The following NLRP5 variants were observed in gnomAD, a reference collection of about 807,000 sequenced individuals.
NLRP5 encodes NLR family pyrin domain containing 5.
A neutral mutation model predicts 113.1 loss-of-function variants in NLRP5; 93 were observed. The observed-to-expected ratio is 0.82, with a 90% CI of 0.70 to 0.98. The LOEUF is 0.98. NLRP5 is among the 50% of genes least tolerant of loss of function. The pLI, the probability that NLRP5 is intolerant of heterozygous loss-of-function variation, is 0.00. For synonymous variants in NLRP5, 751 were observed against 600.7 expected (o/e 1.25, Z -3.66); for missense variants, 1,808 against 1,514.3 (o/e 1.19, Z -3.22).
chr19:56,005,276 TAC>T (rs1247020823), intron 2 of NLRP5, among the ~76,000 whole-genome samples: 1 of 147,078 alleles, frequency 6.8e-6, no homozygotes, highest in African/African-American at 2.5e-5. Context: ...CATACACATA[TAC>T]ACATATATTT....
At chr19:56,002,290 A>G (rs76475172) in intron 1 of NLRP5, among the ~76,000 whole-genome samples, 6,972 of 152,192 alleles carry the variant, frequency 0.046, 363 homozygotes, top group African/African-American at 0.12. Context: ...TCTAGATATA[A>G]ATCCCTTATC....
chr19:55,987,733 A>G, the NLRP5 span: 7 of 1,018,522 alleles, frequency 6.9e-6, no homozygotes, highest in Non-Finnish European at 1.1e-5. Flanking sequence ...GAAAAAGCAT[A>G]GAGACAAAAT....
the NLRP5 span, chr19:55,988,440 GTGTGTATATATATA>G: frequency 0.088 from 8,831 of 100,552 alleles, 393 homozygotes; most frequent in Middle Eastern, 0.13. Context: ...ATATATGTGT[GTGTGTATATATATA>G]TATATATATA....
intron 2 of NLRP5, among the ~76,000 whole-genome samples, chr19:56,006,188 C>T (rs1981901398): frequency 1.3e-5 from 2 of 152,066 alleles, no homozygotes; most frequent in Admixed American, 6.6e-5. Context: ...GAAAACCAAA[C>T]ACCGCATGTT....
rs1367800248 is a variant in NLRP5, at chr19:56,030,712, TTC to T, written c.2277-1897_2277-1896del. On this transcript the variant is annotated intron_variant, in intron 7 of 14. Coordinates refer to ENST00000390649, the MANE Select transcript of NLRP5 (RefSeq NM_153447.4). ...ATACTTACATTCATTCGCTTTCTTC[TTC>T]TTTTTTTTTTTTTTTTTTGAGACGG... Among the ~76,000 whole-genome samples the T allele has an allele frequency of 4.5e-4, 20 of 44,602 alleles. No individual in the cohort carries two copies. In the Admixed American group the frequency reaches 5.0e-3, roughly 11 times the overall value. 29.3% of individuals were successfully genotyped at this position (44,602 alleles called of 152,430 possible).
At position 56,053,700 on chromosome 19, in the gene NLRP5, G is replaced by A. The variant is rs2123339579; in HGVS notation, c.3191G>A (p.Ser1064Asn). ...AGTCTGTCCTGTGTGATCTCGAGGA[G>A]CAGACACCTGAAGAGCCTGGATCTC... Residue 1064 changes from serine to asparagine, a missense_variant, in exon 13 of 15, where the codon AGC becomes AAC. Physicochemically the swap from Ser to Asn is conservative, Grantham distance 46. Coordinates refer to ENST00000390649, the MANE Select transcript of NLRP5 (RefSeq NM_153447.4). 6.2e-7 allele frequency: 1 copy of A among 1,613,952 alleles called. No homozygotes were observed.
chr19:56,030,699 A>C, intron 7 of NLRP5, among the ~76,000 whole-genome samples: 1 of 83,112 alleles, frequency 1.2e-5, no homozygotes, highest in Non-Finnish European at 2.3e-5. Context: ...ACTTACATTC[A>C]TTCGCTTTCT....
chr19:56,024,359 ACAAAT>A (rs1392550526), intron 6 of NLRP5, among the ~76,000 whole-genome samples: 9 of 140,920 alleles, frequency 6.4e-5, no homozygotes, highest in African/African-American at 2.4e-4. Flanking sequence ...AAAAAAAAGA[ACAAAT>A]ATATATATAT....
chr19:56,044,092 C>A, intron 11 of NLRP5, among the ~76,000 whole-genome samples: 1 of 142,574 alleles, frequency 7.0e-6, no homozygotes, highest in Non-Finnish European at 1.5e-5. Flanking sequence ...GAGACAGAGT[C>A]TTGCTCTGTC....
rs201631280 is a variant in NLRP5 at position 56,061,463 on chromosome 19, C to T, written c.3538C>T (p.Arg1180Ter). The T allele has an allele frequency of 2.5e-5, 40 of 1,613,822 alleles. No homozygotes were observed. Among genetic ancestry groups the T allele is most frequent in the African/African-American group, 6.7e-5 (5 of 74,914 alleles). The change falls in exon 15 of 15, where the codon CGA becomes TGA. Residue 1180 changes from arginine (R) to a stop codon, truncating the protein, a stop_gained. Coordinates refer to ENST00000390649, the MANE Select transcript of NLRP5 (RefSeq NM_153447.4). LOFTEE classifies it low-confidence loss of function (END_TRUNC). ...GGAGGAAGTGCAGCTACTCAAGCCC[C>T]GAGTCGTAATTGACGGTAGTTGGCA...
Position 56,026,893 on chromosome 19 carries a change from T to C in NLRP5, c.680-20T>C, listed in dbSNP as rs574214915. ...GCCTGGTCTGTTTCCTGATTTTCAT[T>C]CTACCCTCTCTGACTCCAGGACATG... On this transcript the variant is annotated intron_variant, in intron 6 of 14. Coordinates refer to ENST00000390649, the MANE Select transcript of NLRP5 (RefSeq NM_153447.4). 1 of 1,542,858 alleles carries C rather than the reference T, an allele frequency of 6.5e-7. No homozygotes were observed. Among genetic ancestry groups the C allele is most frequent in the East Asian group, 2.5e-5 (1 of 40,764 alleles).
At chr19:56,015,018 A>AT (rs1223364181) in intron 3 of NLRP5, among the ~76,000 whole-genome samples, 2 of 152,230 alleles carry the variant, frequency 1.3e-5, no homozygotes, top group Non-Finnish European at 2.9e-5. Context: ...CAGTAACAAC[A>AT]TTAAGTCTTC....
chr19:56,043,969 C>T (rs1397057325), intron 11 of NLRP5, among the ~76,000 whole-genome samples: 1 of 151,508 alleles, frequency 6.6e-6, no homozygotes, highest in Non-Finnish European at 1.5e-5. Flanking sequence ...CTTTTGGGTT[C>T]TTGGTCATGA....
intron 9 of NLRP5, among the ~76,000 whole-genome samples, chr19:56,037,026 C>T (rs11084422): frequency 0.31 from 46,782 of 151,954 alleles, 7,450 homozygotes; most frequent in East Asian, 0.47. Flanking sequence ...CTAAGTGTTT[C>T]GTGGCTATTC....
In NLRP5 at chr19:56,044,353, C is replaced by T. The variant is rs1302032561; in HGVS notation, c.2957+3261C>T. ...ACAGGCGTGAGCCGCCACACCCGGC[C>T]AGGTTTAAGTCTCTAATACATCTTG... On this transcript the variant is annotated intron_variant, in intron 11 of 14. Coordinates refer to ENST00000390649, the MANE Select transcript of NLRP5 (RefSeq NM_153447.4). Among the ~76,000 whole-genome samples the T allele has an allele frequency of 4.6e-5, 7 of 152,314 alleles. No individual in the cohort carries two copies. In the East Asian group the frequency reaches 1.2e-3, roughly 25 times the overall value.
At chr19:56,007,896 C>CAT (rs1981993823) in intron 2 of NLRP5, among the ~76,000 whole-genome samples, 3 of 97,842 alleles carry the variant, frequency 3.1e-5, no homozygotes, top group African/African-American at 3.6e-5. Flanking sequence ...TGTGCGCGTG[C>CAT]GCGCGTGCGT....
rs1353447189 is a variant in NLRP5, at chr19:56,004,065, C to G, written c.412C>G (p.Leu138Val). 6.2e-7 allele frequency: 1 copy of G among 1,611,854 alleles called. No individual in the cohort carries two copies. The highest frequency in any genetic ancestry group is 1.3e-5 in the African/African-American group (1 of 74,850). Reference sequence around the variant, plus strand: ...CTTTGAAAACATGAACCTGCGAACCCTCTCGGAGAAGGCACGGGATGACAT... The same window carrying G: ...CTTTGAAAACATGAACCTGCGAACCGTCTCGGAGAAGGCACGGGATGACAT... Residue 138 changes from leucine to valine, a missense_variant, in exon 2 of 15, where the codon CTC becomes GTC. Leu to Val is a conservative substitution (Grantham distance 32, BLOSUM62 1). Coordinates refer to ENST00000390649, the MANE Select transcript of NLRP5 (RefSeq NM_153447.4).
rs757403032 is a variant in NLRP5 at position 56,050,423 on chromosome 19, A to G, written c.2963A>G (p.Asn988Ser). 6.8e-6 allele frequency: 11 copies of G among 1,613,374 alleles called. 1 individual carries two copies. The highest frequency in any genetic ancestry group is 1.7e-4 in the Middle Eastern group (1 of 5,778). ...CCCATGTGTGTGCCCCACAGGCTGAATCAGTGCCACCTGGACACGGCTGGC... is the reference window on the plus strand; with the variant it reads ...CCCATGTGTGTGCCCCACAGGCTGAGTCAGTGCCACCTGGACACGGCTGGC... Residue 988 changes from asparagine (N) to serine (S), a missense_variant, in exon 12 of 15, where the codon AAT (asparagine) becomes AGT (serine). Transcript: ENST00000390649.
chr19:56,024,462 CATAT>C (rs1333479385), intron 6 of NLRP5, among the ~76,000 whole-genome samples: 1 of 143,568 alleles, frequency 7.0e-6, no homozygotes, highest in African/African-American at 2.6e-5. Context: ...TACGTACATA[CATAT>C]ATACGTGTGT....
Sources: gnomAD v4.1 joint callset for allele counts (sites outside exome capture counted in the v4.1 genomes callset) on GRCh38, gnomAD v4.1.1 for gene constraint, MANE v1.5 for transcripts, NCBI Gene and HGNC (gene_info 2026-07-23, HGNC 2026-07-21) for gene names.